CPNE1: variants seen among roughly 807,000 people sequenced by gnomAD.
CPNE1 encodes the protein copine 1.
A neutral mutation model predicts 63.2 loss-of-function variants in CPNE1; 58 were observed. That is an observed-to-expected ratio of 0.92 (90% CI 0.74 to 1.14). The LOEUF (loss-of-function observed/expected upper bound fraction) is 1.14. Among genes scored for constraint, CPNE1 ranks in the 50% most tolerant of loss-of-function variants. The pLI is 0.00. For synonymous variants in CPNE1, 237 were observed against 249.0 expected (o/e 0.95, Z 0.45); for missense variants, 672 against 661.7 (o/e 1.02, Z -0.17).
rs757495907 is a variant in CPNE1 at position 35,632,640 on chromosome 20, T to C, written c.186A>G (p.Leu62=). ...CTGTCTCAAAGCGGTACTCAAGCTG[T>C]AGAGTCTTGGAGAACTCAGGGCTTG... ...NCSSPEFSKT[L]QLEYRFETVQ... is the part of the protein sequence containing the mutation. Residue 62 remains leucine, a synonymous_variant, in exon 3 of 16, where the codon CTA becomes CTG. Coordinates refer to ENST00000397443, the MANE Select transcript of CPNE1 (RefSeq NM_152925.3). 6.7e-7 allele frequency: 1 copy of C among 1,494,078 alleles called. No homozygotes were observed. Among genetic ancestry groups the C allele is most frequent in the Non-Finnish European group, 9.3e-7 (1 of 1,070,574 alleles). The allele number at this position is 1,494,078 out of a possible 1,614,324, so 92.6% of individuals were successfully genotyped here. A position where few individuals can be genotyped will look rare whatever the true frequency, so the allele number is the denominator to read the frequency against.
intron 1 of CPNE1, among the ~76,000 whole-genome samples, chr20:35,647,823 G>C (rs1199907051): frequency 6.6e-6 from 1 of 151,690 alleles, no homozygotes; most frequent in Non-Finnish European, 1.5e-5. Context: ...GGGAGGCCGA[G>C]GTGGGCGGAT....
Position 35,632,866 on chromosome 20 carries a change from T to G in CPNE1, c.58A>C (p.Lys20Gln), listed in dbSNP as rs768123038. 13 of 872,806 alleles carry G rather than the reference T, an allele frequency of 1.5e-5. 1 individual carries two copies. In the Admixed American group the frequency reaches 2.2e-4, roughly 15 times the overall value. 54.1% of individuals were successfully genotyped at this position (872,806 alleles called of 1,614,324 possible). A position where few individuals can be genotyped will look rare whatever the true frequency, so the allele number is the denominator to read the frequency against. Residue 20 changes from lysine to glutamine, a missense_variant, in exon 2 of 16, where the codon AAG (lysine) becomes CAG (glutamine). Transcript: ENST00000397443. ...GGGTCAGACTTGGAGCCGATGTCCT[T>G]GTCAATGAGATGGTCACAGGAAATG... ...LSISCDHLID[K>Q]DIGSKSDPLC...
At chr20:35,649,249 C>T (rs905010814) in intron 1 of CPNE1, 1 of 152,146 alleles carries the variant, frequency 6.6e-6, no homozygotes, top group African/African-American at 2.4e-5. Flanking sequence ...ACTCATTTCC[C>T]GAGTGTTCTT....
intron 1 of CPNE1, among the ~76,000 whole-genome samples, chr20:35,640,811 T>C (rs934647495): frequency 6.6e-6 from 1 of 152,148 alleles, no homozygotes; most frequent in Non-Finnish European, 1.5e-5. Flanking sequence ...TCAAGGATCC[T>C]CAGAAATGAC....
intron 1 of CPNE1, chr20:35,653,149 C>T (rs751515533): frequency 1.5e-5 from 24 of 1,613,638 alleles, no homozygotes; most frequent in South Asian, 6.6e-5. Context: ...ACCAAAATTA[C>T]CAGGAAAGTT....
chr20:35,644,788 G>A (rs996151209), intron 1 of CPNE1, among the ~76,000 whole-genome samples: 1 of 152,128 alleles, frequency 6.6e-6, no homozygotes, highest in Admixed American at 6.5e-5. Context: ...GCACAAACAT[G>A]GAATATAATT....
chr20:35,641,756 G>C (rs1350036609), intron 1 of CPNE1, among the ~76,000 whole-genome samples: 1 of 152,084 alleles, frequency 6.6e-6, no homozygotes, highest in African/African-American at 2.4e-5. Context: ...GTATTCTGTC[G>C]ATGTTTCTCC....
chr20:35,626,878 C>CCA, intron 14 of CPNE1, 75 bp from the exon 15 acceptor site: 1 of 1,200,486 alleles, frequency 8.3e-7, no homozygotes, highest in Non-Finnish European at 1.2e-6. Flanking sequence ...CCACACATCC[C>CCA]CACACTCATA....
At chr20:35,663,888 A>AATT (rs2034380959) in intron 1 of CPNE1, among the ~76,000 whole-genome samples, 1 of 152,176 alleles carries the variant, frequency 6.6e-6, no homozygotes, top group Non-Finnish European at 1.5e-5. Flanking sequence ...AGAGAAACTC[A>AATT]ATTAACTCTC....
chr20:35,656,675 C>G (rs775356619), intron 1 of CPNE1, among the ~76,000 whole-genome samples: 1 of 152,188 alleles, frequency 6.6e-6, no homozygotes, highest in East Asian at 1.9e-4. Context: ...GCTGGGATTA[C>G]AGGCATGCGC....
At chr20:35,653,452 A>G (rs768736508) in intron 1 of CPNE1, 8 of 1,614,074 alleles carry the variant, frequency 5.0e-6, no homozygotes, top group African/African-American at 1.3e-5. Flanking sequence ...AATCTCTCTC[A>G]TATCTTCTAG....
intron 13 of CPNE1, among the ~76,000 whole-genome samples, chr20:35,628,696 A>T (rs553579935): frequency 2.8e-4 from 42 of 152,382 alleles, no homozygotes; most frequent in Admixed American, 4.6e-4. Context: ...CCATATAAAA[A>T]GATATGTGCT....
intron 1 of CPNE1, among the ~76,000 whole-genome samples, chr20:35,635,829 G>A (rs1466908454): frequency 6.6e-6 from 1 of 152,124 alleles, no homozygotes; most frequent in Non-Finnish European, 1.5e-5. Context: ...TTTCCATCTG[G>A]AATGCTGTTA....
At position 35,658,814 on chromosome 20, in the gene CPNE1, C is replaced by T. The variant is rs1477592517; in HGVS notation, c.-1+5946G>A. 8.0e-6 allele frequency: 4 copies of T among 502,082 alleles called. No homozygotes were observed. In the African/African-American group the frequency reaches 9.2e-5, roughly 12 times the overall value. 31.1% of individuals were successfully genotyped at this position (502,082 alleles called of 1,614,324 possible). A position where few individuals can be genotyped will look rare whatever the true frequency, so the allele number is the denominator to read the frequency against. ...ACAAGCAAACAAAAACACACACACA[C>T]ACACACACACACACACACACACACA... On this transcript the variant is annotated intron_variant, in intron 1 of 15. Coordinates refer to ENST00000397443, the MANE Select transcript of CPNE1 (RefSeq NM_152925.3).
Position 35,626,618 on chromosome 20 carries a change from C to T in CPNE1, c.1422G>A (p.Gln474=), listed in dbSNP as rs914557330. The T allele has an allele frequency of 2.5e-6, 4 of 1,614,094 alleles. No homozygotes were observed. The highest frequency in any genetic ancestry group is 3.4e-6 in the Non-Finnish European group (4 of 1,180,044). Residue 474 remains glutamine, a synonymous_variant, in exon 15 of 16, where the codon CAG becomes CAA. Coordinates refer to ENST00000397443, the MANE Select transcript of CPNE1 (RefSeq NM_152925.3). ...DGGPLHTRSG[Q]AAARDIVQFV... The stretch of plus-strand genomic sequence containing the variant: ...ACTGCACAATGTCGCGGGCAGCAGC[C>T]TGCCCAGAACGTGTATGCAGGGGTC...
chr20:35,655,956 A>C (rs1047427418), intron 1 of CPNE1, among the ~76,000 whole-genome samples: 5 of 152,190 alleles, frequency 3.3e-5, no homozygotes, highest in Non-Finnish European at 7.3e-5. Context: ...AAAACTTTTC[A>C]ATCTGCCTTG....
At chr20:35,654,641 G>A (rs745820252) in intron 1 of CPNE1, 6 of 1,613,948 alleles carry the variant, frequency 3.7e-6, no homozygotes, top group African/African-American at 1.3e-5. Context: ...GAAGGAACTG[G>A]GGGAATCGGG....
chr20:35,654,507 C>T lies in CPNE1; in HGVS notation c.-1+10253G>A. The stretch of plus-strand genomic sequence containing the variant: ...TCAACGGACCAAGAAACATAGGATT[C>T]AGATTATTGTTCAAATTCATAGGTG... On this transcript the variant is annotated intron_variant, in intron 1 of 15. Transcript: ENST00000397443. 3.1e-6 allele frequency: 5 copies of T among 1,614,170 alleles called. No homozygotes were observed. In the South Asian group the frequency reaches 5.5e-5, roughly 18 times the overall value.
chr20:35,642,158 C>A (rs549476487), intron 1 of CPNE1, among the ~76,000 whole-genome samples: 39 of 152,274 alleles, frequency 2.6e-4, no homozygotes, highest in African/African-American at 9.1e-4. Flanking sequence ...TATTCATAAC[C>A]AAGAACAGAT....
Sources: gnomAD v4.1 joint callset for allele counts (sites outside exome capture counted in the v4.1 genomes callset) on GRCh38, gnomAD v4.1.1 for gene constraint, MANE v1.5 for transcripts, NCBI Gene and HGNC (gene_info 2026-07-23, HGNC 2026-07-21) for gene names.